The following RAPGEF4 variants were observed in gnomAD, a reference collection of about 807,000 sequenced individuals.
The protein encoded by RAPGEF4 is RAP guanine-nucleotide-exchange factor (GEF) 4.
A neutral mutation model predicts 147.9 loss-of-function variants in RAPGEF4; 66 were observed. The observed-to-expected ratio is 0.45, with a 90% CI of 0.37 to 0.55. The LOEUF is 0.55. RAPGEF4 is among the 20% of genes least tolerant of loss of function. The probability of loss-of-function intolerance (pLI) is 0.00; values close to 1 mark genes in which losing one functional copy is unlikely to be tolerated. For missense variants in RAPGEF4, 1,071 were observed against 1,257.3 expected (o/e 0.85, Z 2.24); for synonymous variants, 419 against 442.7 (o/e 0.95, Z 0.67).
intron 3 of RAPGEF4, among the ~76,000 whole-genome samples, chr2:172,801,241 T>C (rs1287335948): frequency 1.3e-5 from 2 of 151,756 alleles, no homozygotes; most frequent in Admixed American, 1.3e-4. Context: ...TGAACAGAGG[T>C]GTGAGGAGGA....
chr2:172,955,127 T>G lies in RAPGEF4; in HGVS notation c.538-5633T>G, dbSNP rs1688596667. ...ATGCTGTGCTTTGCAAAAGGCTTCT[T>G]TGAGCAAGCACTTGAGGAAAAAGAA... On this transcript the variant is annotated intron_variant, in intron 6 of 30. Coordinates refer to ENST00000397081, the MANE Select transcript of RAPGEF4 (RefSeq NM_007023.4). 4.6e-5 allele frequency among the ~76,000 whole-genome samples: 7 copies of G among 152,342 alleles called. No homozygotes were observed. The South Asian group carries it at 1.5e-3, about 32-fold the overall frequency.
At chr2:172,877,885 A>G (rs1575114279) in intron 4 of RAPGEF4, among the ~76,000 whole-genome samples, 3 of 152,170 alleles carry the variant, frequency 2.0e-5, no homozygotes, top group Non-Finnish European at 4.4e-5. Flanking sequence ...ATAATTTTAA[A>G]CATACTGGAA....
chr2:172,873,622 C>A (rs1338561887), intron 4 of RAPGEF4, among the ~76,000 whole-genome samples: 1 of 152,154 alleles, frequency 6.6e-6, no homozygotes, highest in Non-Finnish European at 1.5e-5. Flanking sequence ...ATGAGTTTAT[C>A]AGGACATAGG....
At chr2:172,900,226 T>G (rs1415077999) in intron 4 of RAPGEF4, among the ~76,000 whole-genome samples, 1 of 152,154 alleles carries the variant, frequency 6.6e-6, no homozygotes, top group Non-Finnish European at 1.5e-5. Flanking sequence ...TTTGGATAAT[T>G]TTTAGGTTTT....
chr2:172,953,667 A>T lies in RAPGEF4; in HGVS notation c.538-7093A>T, dbSNP rs116303169. Reference sequence around the variant, plus strand: ...CTTTGGGCCCTTAAAATGTTATTTCAGCTATTAAAGATTAGTCATGTACAT... The same window carrying T: ...CTTTGGGCCCTTAAAATGTTATTTCTGCTATTAAAGATTAGTCATGTACAT... On this transcript the variant is annotated intron_variant, in intron 6 of 30. Transcript: ENST00000397081. Among the ~76,000 whole-genome samples, 1,083 of 152,224 alleles carry T rather than the reference A, an allele frequency of 7.1e-3. 12 individuals are homozygous for T. The highest frequency in any genetic ancestry group is 0.024 in the African/African-American group (984 of 41,536).
At chr2:172,812,802 A>C (rs1266989505) in intron 3 of RAPGEF4, among the ~76,000 whole-genome samples, 4 of 152,246 alleles carry the variant, frequency 2.6e-5, no homozygotes, top group African/African-American at 9.6e-5. Context: ...AGAAAAATGA[A>C]ATAGGCTAGT....
intron 6 of RAPGEF4, among the ~76,000 whole-genome samples, chr2:172,924,539 C>A (rs1685080080): frequency 6.6e-6 from 1 of 152,164 alleles, no homozygotes; most frequent in South Asian, 2.1e-4. Flanking sequence ...CACTTTAATT[C>A]TCTATTAGCA....
At chr2:172,774,627 T>TTCTCTACTCACTCTTA (rs1683979544) in intron 1 of RAPGEF4, among the ~76,000 whole-genome samples, 2 of 152,242 alleles carry the variant, frequency 1.3e-5, no homozygotes, top group Non-Finnish European at 1.5e-5. Context: ...CTATGAAGCC[T>TTCTCTACTCACTCTTA]TCTCTACTCA....
At chr2:172,786,001 C>T (rs1047102722) in intron 1 of RAPGEF4, among the ~76,000 whole-genome samples, 15 of 152,102 alleles carry the variant, frequency 9.9e-5, no homozygotes, top group Non-Finnish European at 1.8e-4. Context: ...CGGAAGTCAT[C>T]GAGGGGACAA....
intron 4 of RAPGEF4, among the ~76,000 whole-genome samples, chr2:172,837,658 T>C (rs1323345704): frequency 6.6e-6 from 1 of 152,216 alleles, no homozygotes. Context: ...CACTGTGGTC[T>C]TGAACTCCTG....
chr2:172,916,859 C>T (rs142079251), intron 4 of RAPGEF4, among the ~76,000 whole-genome samples: 11 of 152,280 alleles, frequency 7.2e-5, no homozygotes, highest in African/African-American at 2.6e-4. Context: ...TTTGTGCAAC[C>T]CACAAGCACA....
chr2:172,747,387 C>T (rs983162064), intron 1 of RAPGEF4, among the ~76,000 whole-genome samples: 1 of 152,144 alleles, frequency 6.6e-6, no homozygotes, highest in African/African-American at 2.4e-5. Context: ...TAGCAAATTG[C>T]AGTTTGAAAT....
intron 17 of RAPGEF4, among the ~76,000 whole-genome samples, chr2:173,012,572 A>G (rs529058157): frequency 1.3e-5 from 2 of 152,326 alleles, no homozygotes; most frequent in African/African-American, 4.8e-5. Context: ...AGTTTGTGGC[A>G]CCTATCTGAT....
rs34347501 is a variant in RAPGEF4 at position 172,988,220 on chromosome 2, C to A, written c.1175C>A (p.Thr392Asn). 5.6e-6 allele frequency: 9 copies of A among 1,609,904 alleles called. No individual in the cohort carries two copies. Among genetic ancestry groups the A allele is most frequent in the Middle Eastern group, 1.7e-4 (1 of 5,960 alleles). The change falls in exon 13 of 31, where the codon ACC becomes AAC. Residue 392 changes from threonine (T) to asparagine (N), a missense_variant. By Grantham distance (65) the Thr-to-Asn change is moderately conservative (BLOSUM62 0). Coordinates refer to ENST00000397081, the MANE Select transcript of RAPGEF4 (RefSeq NM_007023.4). ...GTGTTTAACCAGGGGGAAGAAGGTA[C>A]CTCCTGGTACATTATTCTAAAAGGA... ...TVLFNQGEEG[T>N]SWYIILKGSV...
intron 17 of RAPGEF4, among the ~76,000 whole-genome samples, chr2:173,011,866 C>CA (rs946136839): frequency 2.1e-5 from 3 of 141,922 alleles, no homozygotes; most frequent in Non-Finnish European, 4.6e-5. Flanking sequence ...AAAAAAAAAA[C>CA]CACATTAGCA....
intron 4 of RAPGEF4, among the ~76,000 whole-genome samples, chr2:172,848,775 T>C (rs543162821): frequency 6.6e-6 from 1 of 152,314 alleles, no homozygotes; most frequent in South Asian, 2.1e-4. Context: ...GCAAGAGGCC[T>C]GCCTCTCAGC....
intron 4 of RAPGEF4, among the ~76,000 whole-genome samples, chr2:172,849,576 G>A (rs748037194): frequency 3.3e-5 from 5 of 152,214 alleles, no homozygotes; most frequent in Non-Finnish European, 5.9e-5. Context: ...TCTCTTCAGG[G>A]CCTTGTTTAG....
chr2:172,921,416 G>A (rs1190238013), intron 5 of RAPGEF4, among the ~76,000 whole-genome samples: 1 of 152,156 alleles, frequency 6.6e-6, no homozygotes, highest in Non-Finnish European at 1.5e-5. Flanking sequence ...TGCTGATACT[G>A]TAAATCCTGT....
intron 4 of RAPGEF4, among the ~76,000 whole-genome samples, chr2:172,874,509 T>A (rs1254332581): frequency 6.6e-6 from 1 of 152,228 alleles, no homozygotes; most frequent in Non-Finnish European, 1.5e-5. Context: ...TTTGGTTTTT[T>A]GTCCTTGCGA....
Sources: gnomAD v4.1 joint callset for allele counts (sites outside exome capture counted in the v4.1 genomes callset) on GRCh38, gnomAD v4.1.1 for gene constraint, MANE v1.5 for transcripts, NCBI Gene and HGNC (gene_info 2026-07-23, HGNC 2026-07-21) for gene names.